Variants in ANKFY1 observed in about 807,000 individuals in gnomAD.
ANKFY1 encodes the protein ankyrin repeat and FYVE domain-containing protein 1.
ANKFY1 carries 47 observed loss-of-function variants against 128.3 expected under a neutral mutation model. The ratio of observed to expected loss-of-function variants is 0.37; its 90% CI spans 0.29 to 0.47. The LOEUF is 0.47. ANKFY1 is among the 20% of genes least tolerant of loss of function. The pLI is 1.00. For missense variants in ANKFY1, 1,222 were observed against 1,510.6 expected (o/e 0.81, Z 3.17); for synonymous variants, 553 against 601.6 (o/e 0.92, Z 1.18).
chr17:4,222,214 G>T (rs567841092), intron 3 of ANKFY1: 2,560 of 235,700 alleles, frequency 0.011, 76 homozygotes, highest in African/African-American at 0.057. Context: ...TGGCGCCGCC[G>T]CCCCCGCCGC....
intron 4 of ANKFY1, among the ~76,000 whole-genome samples, chr17:4,210,429 CT>C (rs2060105018): frequency 1.3e-5 from 2 of 152,184 alleles, no homozygotes; most frequent in Admixed American, 1.3e-4. Context: ...GCTCTCCCGG[CT>C]GGGTGCAGTG....
intron 3 of ANKFY1, among the ~76,000 whole-genome samples, chr17:4,218,208 A>G (rs2060252387): frequency 6.6e-6 from 1 of 152,248 alleles, no homozygotes; most frequent in South Asian, 2.1e-4. Flanking sequence ...CAGCAACTAC[A>G]TATGTAGACA....
rs141201493 is a variant in ANKFY1, at chr17:4,245,668, A to C, written c.11-3220T>G. 6.2e-3 allele frequency among the ~76,000 whole-genome samples: 936 copies of C among 150,066 alleles called. 10 individuals carry two copies. Among genetic ancestry groups the C allele is most frequent in the African/African-American group, 0.022 (899 of 40,866 alleles). ...GAGGCAGGAGGATCCCCTTGAGCCT[A>C]GGAGGTTCAGGCTGCAAAGAGCCGA... On this transcript the variant is annotated intron_variant, in intron 1 of 24. Coordinates refer to ENST00000341657, the MANE Select transcript of ANKFY1 (RefSeq NM_001330063.2).
chr17:4,204,756 G>A (rs568848968), intron 7 of ANKFY1, among the ~76,000 whole-genome samples: 2 of 151,284 alleles, frequency 1.3e-5, no homozygotes, highest in Non-Finnish European at 2.9e-5. Context: ...TCTCAGACAC[G>A]AAACAGTGTG....
intron 19 of ANKFY1, among the ~76,000 whole-genome samples, chr17:4,174,321 G>T (rs1199412164): frequency 6.6e-6 from 1 of 152,204 alleles, no homozygotes; most frequent in Non-Finnish European, 1.5e-5. Flanking sequence ...AGGTTTTCGT[G>T]TATAAAAGCT....
chr17:4,256,953 A>C (rs1968163683), intron 1 of ANKFY1, among the ~76,000 whole-genome samples: 1 of 152,190 alleles, frequency 6.6e-6, no homozygotes, highest in South Asian at 2.1e-4. Context: ...ATATTAGCTA[A>C]CTAGCCATTT....
At position 4,181,184 on chromosome 17, in the gene ANKFY1, TA is replaced by T; in HGVS notation, c.2240+69del. 7.6e-7 allele frequency: 1 copy of T among 1,319,962 alleles called. No homozygotes were observed. Among genetic ancestry groups the T allele is most frequent in the Non-Finnish European group, 1.1e-6 (1 of 916,670 alleles). The allele number at this position is 1,319,962 out of a possible 1,614,324, so 81.8% of individuals were successfully genotyped here. Reference sequence around the variant, plus strand: ...GGCATGCCAAGACTATAGACGGATTTAAAAAGGAAAGAGCCAGTTTGCAACA... The same window carrying T: ...GGCATGCCAAGACTATAGACGGATTTAAAAGGAAAGAGCCAGTTTGCAACA... On this transcript the variant is annotated intron_variant, in intron 16 of 24. Coordinates refer to ENST00000341657, the MANE Select transcript of ANKFY1 (RefSeq NM_001330063.2). The surrounding 1 kb of genome is among the most constrained non-coding windows in gnomAD (Gnocchi z 4.9).
intron 11 of ANKFY1, chr17:4,186,487 T>G (rs1160424044): frequency 6.6e-6 from 1 of 152,270 alleles, no homozygotes; most frequent in Admixed American, 6.5e-5. Context: ...GTTTTGTAAC[T>G]CTCCATATTT....
Position 4,172,674 on chromosome 17 carries a change from C to T in ANKFY1, c.3021G>A (p.Gln1007=). The change falls in exon 22 of 25, where the codon CAG becomes CAA. Residue 1007 remains glutamine (Q), a synonymous_variant. Coordinates refer to ENST00000341657, the MANE Select transcript of ANKFY1 (RefSeq NM_001330063.2). ...ATTGTCCCAAAATGTGCAGTGGTGA[C>T]TGGCCTCTGATAAAACAAGTTGGAA... The part of the protein sequence containing the change: ...VDAEAFNLRG[Q]SPLHILGQYG... 2 of 1,613,954 alleles carry T rather than the reference C, an allele frequency of 1.2e-6. No homozygotes were observed. The highest frequency in any genetic ancestry group is 1.7e-6 in the Non-Finnish European group (2 of 1,179,942).
Position 4,181,307 on chromosome 17 carries a change from C to A in ANKFY1, c.2187G>T (p.Leu729=). 1 of 1,614,168 alleles carries A rather than the reference C, an allele frequency of 6.2e-7. No individual in the cohort carries two copies. The highest frequency in any genetic ancestry group is 8.5e-7 in the Non-Finnish European group (1 of 1,180,028). ...PGPGGCLQTL[L]HRAIDENNEP... is the part of the protein sequence containing the mutation. ...CGTTGTTTTCATCAATGGCTCTGTG[C>A]AGGAGCGTCTGAAGGCACCCACCAG... The change falls in exon 16 of 25, where the codon CTG becomes CTT. Residue 729 remains leucine (L), a synonymous_variant. Transcript: ENST00000341657. This position sits in a 1 kb window ranked among gnomAD's most constrained non-coding sequence, Gnocchi z 4.9.
intron 12 of ANKFY1, 36 bp from the exon 13 acceptor site, chr17:4,183,946 C>T: frequency 1.3e-6 from 2 of 1,549,336 alleles, no homozygotes; most frequent in Non-Finnish European, 1.8e-6. Context: ...CACTTGATGT[C>T]ACCATCTGTG....
intron 3 of ANKFY1, among the ~76,000 whole-genome samples, chr17:4,234,739 G>C (rs1000406103): frequency 6.6e-6 from 1 of 152,026 alleles, no homozygotes; most frequent in Non-Finnish European, 1.5e-5. Flanking sequence ...AATTCCCTGG[G>C]CTCAAGTGAT....
intron 1 of ANKFY1, 68 bp downstream of exon 1, chr17:4,263,864 G>A: frequency 1.9e-6 from 3 of 1,613,010 alleles, no homozygotes; most frequent in Non-Finnish European, 2.5e-6. Flanking sequence ...TCCCACGGCA[G>A]CTTCGCACGG....
At chr17:4,191,668 C>T (rs1032358755) in intron 10 of ANKFY1, among the ~76,000 whole-genome samples, 1 of 90,464 alleles carries the variant, frequency 1.1e-5, no homozygotes, top group African/African-American at 3.8e-5. Context: ...AATCTGGAGA[C>T]TCCTAGTTGA....
At chr17:4,235,474 T>C (rs1966875056) in intron 3 of ANKFY1, among the ~76,000 whole-genome samples, 1 of 152,178 alleles carries the variant, frequency 6.6e-6, no homozygotes, top group South Asian at 2.1e-4. Context: ...CAGCATATTT[T>C]TTCATGAAAT....
rs146538109 is a variant in ANKFY1, at chr17:4,172,730, C to G, written c.3015-50G>C. On this transcript the variant is annotated intron_variant, in intron 21 of 24. Transcript: ENST00000341657. ...AGGAATGTATCTGCCATGGCCATCACACACAAAATAAATAGAATTTTCTGA... is the reference window on the plus strand; with the variant it reads ...AGGAATGTATCTGCCATGGCCATCAGACACAAAATAAATAGAATTTTCTGA... 6.4e-4 allele frequency: 1,020 copies of G among 1,601,824 alleles called. 5 individuals carry two copies. The East Asian group carries it at 0.014, about 22-fold the overall frequency.
chr17:4,190,954 A>G (rs1178621479), intron 10 of ANKFY1, among the ~76,000 whole-genome samples: 1 of 152,188 alleles, frequency 6.6e-6, no homozygotes, highest in East Asian at 1.9e-4. Context: ...CCTGGCCAAC[A>G]TGGTGAAACC....
At chr17:4,211,794 G>C (rs1194822166) in intron 4 of ANKFY1, among the ~76,000 whole-genome samples, 1 of 152,020 alleles carries the variant, frequency 6.6e-6, no homozygotes, top group Admixed American at 6.5e-5. Flanking sequence ...AGGAGTTCAA[G>C]GCTGCGGTAA....
intron 16 of ANKFY1, chr17:4,180,245 T>C (rs377648291): frequency 5.6e-6 from 1 of 178,472 alleles, no homozygotes. Context: ...CTGGCCAACG[T>C]GACGAAACCC....
Sources: gnomAD v4.1 joint callset for allele counts (sites outside exome capture counted in the v4.1 genomes callset) on GRCh38, gnomAD v4.1.1 for gene constraint, Gnocchi (gnomAD v3.1) non-coding constraint, MANE v1.5 for transcripts, NCBI Gene and HGNC (gene_info 2026-07-23, HGNC 2026-07-21) for gene names.